Variants in ANO3 observed in about 807,000 individuals in gnomAD.
ANO3 encodes the protein anoctamin-3.
A neutral mutation model predicts 144.8 loss-of-function variants in ANO3; 99 were observed. That is an observed-to-expected ratio of 0.68 (90% CI 0.58 to 0.81). ANO3 has a LOEUF of 0.81. Among genes scored for constraint, ANO3 ranks in the 30% least tolerant of loss-of-function variants. ANO3 has a pLI of 0.00. For synonymous variants in ANO3, 414 were observed against 392.6 expected, an observed-to-expected ratio of 1.05 and a Z score of -0.64; for missense variants, 905 against 1,202.2, an observed-to-expected ratio of 0.75 and a Z score of 3.66.
chr11:26,395,369 G>A (rs1210648398), intron 1 of ANO3, among the ~76,000 whole-genome samples: 1 of 152,142 alleles, frequency 6.6e-6, no homozygotes. Context: ...ACTTTGGGCA[G>A]TATGGCCATT....
At chr11:26,432,759 T>C (rs1379298776) in intron 1 of ANO3, among the ~76,000 whole-genome samples, 1 of 152,174 alleles carries the variant, frequency 6.6e-6, no homozygotes, top group Non-Finnish European at 1.5e-5. Flanking sequence ...CTTTGGTCTG[T>C]AAGTCTGTTT....
chr11:26,612,060 T>G (rs957009259), intron 17 of ANO3, among the ~76,000 whole-genome samples: 22 of 152,162 alleles, frequency 1.4e-4, no homozygotes, highest in African/African-American at 5.1e-4. Context: ...TCCATTTGGC[T>G]ACTCAGTATC....
chr11:26,388,424 G>T (rs1856790635), intron 1 of ANO3, among the ~76,000 whole-genome samples: 1 of 151,930 alleles, frequency 6.6e-6, no homozygotes, highest in African/African-American at 2.4e-5. Context: ...AAAATAGTTG[G>T]TATCAAATAC....
chr11:26,447,803 C>T (rs955826259), intron 3 of ANO3, among the ~76,000 whole-genome samples: 2 of 152,188 alleles, frequency 1.3e-5, no homozygotes, highest in African/African-American at 4.8e-5. Flanking sequence ...CTCAAAAGTG[C>T]TGACCCTTGT....
intron 1 of ANO3, among the ~76,000 whole-genome samples, chr11:26,264,805 T>C (rs1853270917): frequency 1.3e-5 from 2 of 152,098 alleles, no homozygotes; most frequent in Admixed American, 6.5e-5. Context: ...TATAAGACAA[T>C]AGTCATATTG....
chr11:26,470,533 G>T (rs533832617), intron 4 of ANO3, among the ~76,000 whole-genome samples: 1 of 151,814 alleles, frequency 6.6e-6, no homozygotes, highest in East Asian at 1.9e-4. Flanking sequence ...AAGAGTAAAT[G>T]ATAACATTTA....
At chr11:26,567,006 T>C in intron 14 of ANO3, 1 of 1,404,104 alleles carries the variant, frequency 7.1e-7, no homozygotes, top group East Asian at 2.6e-5. Context: ...ATCTATAGTG[T>C]CTTTTTGGTT....
chr11:26,304,305 C>A (rs1451451333), intron 1 of ANO3, among the ~76,000 whole-genome samples: 2 of 151,968 alleles, frequency 1.3e-5, no homozygotes, highest in Non-Finnish European at 2.9e-5. Context: ...TGTAGATTGT[C>A]CTCTACATAA....
At chr11:26,509,163 G>A (rs1373760046) in intron 5 of ANO3, among the ~76,000 whole-genome samples, 1 of 149,874 alleles carries the variant, frequency 6.7e-6, no homozygotes, top group Non-Finnish European at 1.5e-5. Context: ...ATATATTACA[G>A]ATATCTTAAA....
At chr11:26,525,934 A>C (rs1849152315) in intron 7 of ANO3, among the ~76,000 whole-genome samples, 1 of 147,264 alleles carries the variant, frequency 6.8e-6, no homozygotes. Flanking sequence ...CTTTAATCGC[A>C]AGTTCACATG....
chr11:26,190,503 T>C (rs1383131737), intron 1 of ANO3, among the ~76,000 whole-genome samples: 2 of 152,206 alleles, frequency 1.3e-5, no homozygotes, highest in Non-Finnish European at 2.9e-5. Context: ...ATTAATTTTT[T>C]ACAGATGTAC....
intron 18 of ANO3, among the ~76,000 whole-genome samples, chr11:26,624,987 C>T (rs913890712): frequency 6.6e-6 from 1 of 151,370 alleles, no homozygotes; most frequent in Non-Finnish European, 1.5e-5. Flanking sequence ...GGTGGTGACG[C>T]GATCTCGGCT....
At chr11:26,489,073 C>G (rs759475612) in intron 4 of ANO3, among the ~76,000 whole-genome samples, 1 of 152,184 alleles carries the variant, frequency 6.6e-6, no homozygotes, top group Non-Finnish European at 1.5e-5. Flanking sequence ...ACCCAGAAGC[C>G]CAGCTGGCTT....
chr11:26,262,025 T>C (rs1853201858), intron 1 of ANO3, among the ~76,000 whole-genome samples: 1 of 152,188 alleles, frequency 6.6e-6, no homozygotes, highest in Non-Finnish European at 1.5e-5. Context: ...AGTATCATCG[T>C]CTGTGATAGC....
chr11:26,609,911 G>T (rs1446311005), intron 17 of ANO3, among the ~76,000 whole-genome samples: 3 of 151,986 alleles, frequency 2.0e-5, no homozygotes, highest in African/African-American at 7.2e-5. Context: ...AGTTTACTTT[G>T]TATTTATTTA....
At chr11:26,610,379 T>C (rs1852063978) in intron 17 of ANO3, among the ~76,000 whole-genome samples, 1 of 152,088 alleles carries the variant, frequency 6.6e-6, no homozygotes, top group African/African-American at 2.4e-5. Flanking sequence ...GCCTATTATT[T>C]TTCCAATTTT....
chr11:26,285,097 A>ATTTT (rs60725629), intron 1 of ANO3, among the ~76,000 whole-genome samples: 8,893 of 149,376 alleles, frequency 0.06, 469 homozygotes, highest in African/African-American at 0.14. Flanking sequence ...ACTGTGTACA[A>ATTTT]TTTTTTTTTT....
At position 26,339,596 on chromosome 11, in the gene ANO3, T is replaced by C. The variant is rs147572862; in HGVS notation, c.46+7275T>C. ...CCACAGCTGTCTATAGCTAGTTTCCTTGCTCTACACCTTTTCCACAAAAAT... is the reference window on the plus strand; with the variant it reads ...CCACAGCTGTCTATAGCTAGTTTCCCTGCTCTACACCTTTTCCACAAAAAT... On this transcript the variant is annotated intron_variant, in intron 1 of 26. Coordinates refer to ENST00000256737, the MANE Select transcript of ANO3 (RefSeq NM_031418.4). 7.5e-3 allele frequency among the ~76,000 whole-genome samples: 1,146 copies of C among 151,880 alleles called. 9 individuals are homozygous for C. Among genetic ancestry groups the C allele is most frequent in the Non-Finnish European group, 0.013 (856 of 67,936 alleles).
intron 1 of ANO3, among the ~76,000 whole-genome samples, chr11:26,439,247 A>G (rs1170398108): frequency 6.6e-6 from 1 of 152,250 alleles, no homozygotes; most frequent in Non-Finnish European, 1.5e-5. Flanking sequence ...GTAAATCTTC[A>G]TGACCTTGAA....
Sources: gnomAD v4.1 joint callset for allele counts (sites outside exome capture counted in the v4.1 genomes callset) on GRCh38, gnomAD v4.1.1 for gene constraint, MANE v1.5 for transcripts, NCBI Gene and HGNC (gene_info 2026-07-23, HGNC 2026-07-21) for gene names.